Variants in SLCO1B3 observed in about 807,000 individuals in gnomAD.
SLCO1B3 encodes the protein liver-specific organic anion transporter 2.
SLCO1B3 carries 72 observed loss-of-function variants against 71.8 expected under a neutral mutation model. That is an observed-to-expected ratio of 1.00 (90% confidence interval 0.83 to 1.22). SLCO1B3 has a LOEUF of 1.22. Ranked by LOEUF, SLCO1B3 falls within the 50% of genes most tolerant of loss-of-function variation. SLCO1B3 has a pLI of 0.00. For missense variants in SLCO1B3, 911 were observed against 819.7 expected (o/e 1.11, Z -1.36); for synonymous variants, 298 against 278.4 (o/e 1.07, Z -0.70).
chr12:20,887,683 G>T (rs565831903), intron 13 of SLCO1B3, among the ~76,000 whole-genome samples: 1 of 150,982 alleles, frequency 6.6e-6, no homozygotes, highest in Non-Finnish European at 1.5e-5. Context: ...ATACTCTGTT[G>T]ATTATTATTA....
intron 3 of SLCO1B3, among the ~76,000 whole-genome samples, chr12:20,842,059 C>T (rs1466577698): frequency 6.6e-6 from 1 of 151,924 alleles, no homozygotes; most frequent in Non-Finnish European, 1.5e-5. Flanking sequence ...CTGTGCCTGG[C>T]TAATTTTTGT....
At chr12:20,900,968 T>G (rs977366726) in intron 14 of SLCO1B3, among the ~76,000 whole-genome samples, 2 of 152,188 alleles carry the variant, frequency 1.3e-5, no homozygotes, top group Non-Finnish European at 2.9e-5. Flanking sequence ...CTGTCAGTAA[T>G]CCAGCCATTC....
At chr12:20,874,983 A>C (rs555870142) in intron 8 of SLCO1B3, among the ~76,000 whole-genome samples, 1 of 152,200 alleles carries the variant, frequency 6.6e-6, no homozygotes, top group African/African-American at 2.4e-5. Flanking sequence ...AAAAGCCACC[A>C]AGTGCACACA....
Position 20,882,408 on chromosome 12 carries a change from C to A in SLCO1B3, c.1498-1010C>A, listed in dbSNP as rs76331226. ...AACCATACGAGTATGGATTTAAATT[C>A]TTTTTTTTGTTTTGAGATGGAGTCT... On this transcript the variant is annotated intron_variant, in intron 12 of 15. Transcript: ENST00000381545. Among the ~76,000 whole-genome samples the A allele has an allele frequency of 1.7e-3, 252 of 151,962 alleles. 9 individuals carry two copies. In the East Asian group the frequency reaches 0.043, roughly 26 times the overall value.
chr12:20,834,226 G>A (rs1251259381), intron 3 of SLCO1B3, among the ~76,000 whole-genome samples: 3 of 145,280 alleles, frequency 2.1e-5, no homozygotes, highest in Non-Finnish European at 4.5e-5. Flanking sequence ...CATGGAGAAA[G>A]TGTGTATATA....
chr12:20,907,374 G>A (rs1285916944), intron 15 of SLCO1B3, among the ~76,000 whole-genome samples: 1 of 151,636 alleles, frequency 6.6e-6, no homozygotes, highest in Non-Finnish European at 1.5e-5. Context: ...CCCTAAATGG[G>A]AGATTTCTTT....
At chr12:20,822,016 G>A (rs1044244029) in intron 3 of SLCO1B3, among the ~76,000 whole-genome samples, 2 of 152,210 alleles carry the variant, frequency 1.3e-5, no homozygotes, top group African/African-American at 2.4e-5. Flanking sequence ...AGTTGGAGAA[G>A]AGAGTAAAAA....
chr12:20,880,954 T>C lies in SLCO1B3; in HGVS notation c.1431T>C (p.Asn477=), dbSNP rs781056623. 2.5e-6 allele frequency: 4 copies of C among 1,612,448 alleles called. No homozygotes were observed. Among genetic ancestry groups the C allele is most frequent in the South Asian group, 2.2e-5 (2 of 91,034 alleles). ...AGTGGGAACCAGTCTGTGGGAACAA[T>C]GGAATAACTTACCTGTCACCTTGTC... ...ESQWEPVCGN[N]GITYLSPCLA... The change falls in exon 12 of 16, where the codon AAT becomes AAC. Residue 477 remains asparagine (N), a synonymous_variant. Transcript: ENST00000381545.
intron 3 of SLCO1B3, among the ~76,000 whole-genome samples, chr12:20,823,841 T>C (rs1864368909): frequency 6.6e-6 from 1 of 152,182 alleles, no homozygotes; most frequent in African/African-American, 2.4e-5. Flanking sequence ...CCACAGGTCA[T>C]GACCCTGTAA....
chr12:20,815,562 T>G, intron 2 of SLCO1B3, 112 bp from the exon 3 acceptor site: 2 of 507,104 alleles, frequency 3.9e-6, no homozygotes, highest in Non-Finnish European at 6.9e-6. Context: ...TAGCAGGCCC[T>G]GAATGAATAT....
chr12:20,853,920 T>C lies in SLCO1B3; in HGVS notation c.85-1108T>C, dbSNP rs1865075368. ...TTGGTTTCTTGTGTTTTCATTTTCA[T>C]TTTTCCTCAGATATTTTATTAATTC... On this transcript the variant is annotated intron_variant, in intron 3 of 15. Transcript: ENST00000381545. Among the ~76,000 whole-genome samples, 3 of 136,856 alleles carry C rather than the reference T, an allele frequency of 2.2e-5. No individual in the cohort carries two copies. The South Asian group carries it at 6.7e-4, about 30-fold the overall frequency. 89.8% of individuals were successfully genotyped at this position (136,856 alleles called of 152,430 possible).
intron 3 of SLCO1B3, among the ~76,000 whole-genome samples, chr12:20,842,431 A>G (rs1249059134): frequency 6.6e-6 from 1 of 152,150 alleles, no homozygotes; most frequent in African/African-American, 2.4e-5. Context: ...TTGATATATC[A>G]ATATGTAGAA....
At chr12:20,835,407 C>G (rs1864658865) in intron 3 of SLCO1B3, among the ~76,000 whole-genome samples, 1 of 152,142 alleles carries the variant, frequency 6.6e-6, no homozygotes, top group South Asian at 2.1e-4. Flanking sequence ...ACTGCATTGC[C>G]AGGCTGCAAA....
At chr12:20,856,459 C>T (rs1458657687) in intron 4 of SLCO1B3, among the ~76,000 whole-genome samples, 2 of 152,136 alleles carry the variant, frequency 1.3e-5, no homozygotes, top group Non-Finnish European at 2.9e-5. Context: ...CAACTATTTA[C>T]ATAGTATTTA....
chr12:20,876,523 A>C (rs947751152), intron 9 of SLCO1B3, among the ~76,000 whole-genome samples: 1 of 152,062 alleles, frequency 6.6e-6, no homozygotes, highest in Non-Finnish European at 1.5e-5. Flanking sequence ...CCTCTCCACC[A>C]CACTAACCCA....
At position 20,907,348 on chromosome 12, in the gene SLCO1B3, A is replaced by G. The variant is rs553202381; in HGVS notation, c.1865+5881A>G. 9.9e-5 allele frequency among the ~76,000 whole-genome samples: 15 copies of G among 152,102 alleles called. No homozygotes were observed. In the South Asian group the frequency reaches 2.3e-3, roughly 23 times the overall value. The stretch of plus-strand genomic sequence containing the variant: ...CAGACATTCTCTTAAATTTAAAATA[A>G]TTATAGAAAATCTTTCCCTAAATGG... On this transcript the variant is annotated intron_variant, in intron 15 of 15. Coordinates refer to ENST00000381545, the MANE Select transcript of SLCO1B3 (RefSeq NM_019844.4).
chr12:20,886,847 A>G (rs1044536273), intron 13 of SLCO1B3, among the ~76,000 whole-genome samples: 1 of 151,792 alleles, frequency 6.6e-6, no homozygotes, highest in Non-Finnish European at 1.5e-5. Context: ...AATAGGTAGT[A>G]TTTCTTCCCT....
rs1565598160 is a variant in SLCO1B3, at chr12:20,875,362, AC to A, written c.857del (p.Pro286HisfsTer14). 3 of 1,612,730 alleles carry A rather than the reference AC, an allele frequency of 1.9e-6. No homozygotes were observed. The South Asian group carries it at 3.3e-5, about 18-fold the overall frequency. The part of the protein sequence containing the change: ...FFFLPKNPNK[P>X]QKERKISLSL... The stretch of plus-strand genomic sequence containing the variant: ...TTTTCTTGCCGAAAAATCCAAATAA[AC>A]CACAAAAAGAAAGAAAAATTTCACT... On this transcript the variant is annotated frameshift_variant, in exon 9 of 16. Transcript: ENST00000381545. LOFTEE classifies it high-confidence loss of function.
chr12:20,874,928 G>T (rs535655411), intron 8 of SLCO1B3, among the ~76,000 whole-genome samples: 6 of 152,230 alleles, frequency 3.9e-5, no homozygotes, highest in Admixed American at 1.3e-4. Flanking sequence ...AATGGTCTGA[G>T]GAGTTAAATG....
Sources: gnomAD v4.1 joint callset for allele counts (sites outside exome capture counted in the v4.1 genomes callset) on GRCh38, gnomAD v4.1.1 for gene constraint, MANE v1.5 for transcripts, NCBI Gene and HGNC (gene_info 2026-07-23, HGNC 2026-07-21) for gene names.